The following KIRREL3 variants were observed in gnomAD, a reference collection of about 807,000 sequenced individuals.
The protein encoded by KIRREL3 is kin of IRRE-like protein 3.
A neutral mutation model predicts 89.7 loss-of-function variants in KIRREL3; 36 were observed. The ratio of observed to expected loss-of-function variants is 0.40; its 90% CI spans 0.31 to 0.53. The LOEUF is 0.53. Among genes scored for constraint, KIRREL3 ranks in the 20% least tolerant of loss-of-function variants. The probability of loss-of-function intolerance (pLI) is 0.49; values close to 1 mark genes in which losing one functional copy is unlikely to be tolerated. For missense variants in KIRREL3, 864 were observed against 1,056.6 expected, an observed-to-expected ratio of 0.82 and a Z score of 2.53; for synonymous variants, 445 against 441.4, an observed-to-expected ratio of 1.01 and a Z score of -0.10.
rs1325078908 is a variant in KIRREL3 at position 126,557,232 on chromosome 11, C to T, written c.133+5603G>A. 6.6e-6 allele frequency among the ~76,000 whole-genome samples: 1 copy of T among 152,174 alleles called. No homozygotes were observed. The highest frequency in any genetic ancestry group is 1.5e-5 in the Non-Finnish European group (1 of 68,038). On this transcript the variant is annotated intron_variant, in intron 2 of 16. Coordinates refer to ENST00000525144, the MANE Select transcript of KIRREL3 (RefSeq NM_032531.4). This position sits in a 1 kb window ranked among gnomAD's most constrained non-coding sequence, Gnocchi z 5.6. ...GCCTGCCCGACTCTTTCCCTGCCAC[C>T]CAGCATATAGCTGATATGGCCTGAG...
chr11:126,693,107 G>A (rs980160030), intron 1 of KIRREL3, among the ~76,000 whole-genome samples: 1 of 152,200 alleles, frequency 6.6e-6, no homozygotes, highest in Admixed American at 6.5e-5. Context: ...GCAGATAGAT[G>A]AGTGAGTGCA....
chr11:126,633,167 T>C (rs917007458), intron 1 of KIRREL3, among the ~76,000 whole-genome samples: 3 of 152,030 alleles, frequency 2.0e-5, no homozygotes, highest in Non-Finnish European at 4.4e-5. Context: ...TGTTTGGCCA[T>C]GCCGAGTCCC....
At chr11:126,504,166 A>G (rs1285638732) in intron 4 of KIRREL3, among the ~76,000 whole-genome samples, 1 of 152,098 alleles carries the variant, frequency 6.6e-6, no homozygotes, top group Non-Finnish European at 1.5e-5. Flanking sequence ...CCTTGGCATC[A>G]TCTGTGACCC....
At chr11:126,449,595 G>A (rs1021979102) in intron 7 of KIRREL3, among the ~76,000 whole-genome samples, 10 of 152,318 alleles carry the variant, frequency 6.6e-5, no homozygotes, top group African/African-American at 1.2e-4. Flanking sequence ...GGGTCAAACG[G>A]AGCATGCCCA....
rs1166428156 is a variant in KIRREL3, at chr11:126,544,880, A to G, written c.133+17955T>C. Among the ~76,000 whole-genome samples the G allele has an allele frequency of 2.0e-5, 3 of 152,142 alleles. No homozygotes were observed. Among genetic ancestry groups the G allele is most frequent in the African/African-American group, 7.2e-5 (3 of 41,414 alleles). ...TCTTTGTTTGGCCATGCACTGTCTA[A>G]ACTCCTCTAACCTATTTAGGCCACA... On this transcript the variant is annotated intron_variant, in intron 2 of 16. Transcript: ENST00000525144. The surrounding 1 kb of genome is among the most constrained non-coding windows in gnomAD (Gnocchi z 5.6).
Position 126,440,592 on chromosome 11 carries a change from G to A in KIRREL3, c.1253-43C>T, listed in dbSNP as rs1407538579. On this transcript the variant is annotated intron_variant, in intron 10 of 16. Transcript: ENST00000525144. The stretch of plus-strand genomic sequence containing the variant: ...CCCATTAGGCACCCGGGAAGGGCAC[G>A]TCCCTGCTGGCGCCCTCTTGGGTGG... The A allele has an allele frequency of 2.0e-6, 3 of 1,515,870 alleles. No individual in the cohort carries two copies. In the South Asian group the frequency reaches 3.6e-5, roughly 18 times the overall value. The allele number at this position is 1,515,870 out of a possible 1,614,324, so 93.9% of individuals were successfully genotyped here. A position where few individuals can be genotyped will look rare whatever the true frequency, so the allele number is the denominator to read the frequency against.
chr11:126,982,459 C>T (rs955330775), intron 1 of KIRREL3, among the ~76,000 whole-genome samples: 1 of 152,194 alleles, frequency 6.6e-6, no homozygotes, highest in African/African-American at 2.4e-5. Flanking sequence ...TCTTCTCAAA[C>T]CTGAGGGAGA....
Position 126,778,928 on chromosome 11 carries a change from A to AAC in KIRREL3, c.56-216018_56-216017dup, listed in dbSNP as rs1388083231. ...CTATGCAGTTGTTCACCTGTTTCTGAACACACACACAAGGTAATACATGTA... is the reference window on the plus strand; with the variant it reads ...CTATGCAGTTGTTCACCTGTTTCTGAACACACACACACAAGGTAATACATGTA... On this transcript the variant is annotated intron_variant, in intron 1 of 16. Coordinates refer to ENST00000525144, the MANE Select transcript of KIRREL3 (RefSeq NM_032531.4). The surrounding 1 kb of genome is among the most constrained non-coding windows in gnomAD (Gnocchi z 4.5). 1.3e-5 allele frequency among the ~76,000 whole-genome samples: 2 copies of AAC among 152,180 alleles called. No individual in the cohort carries two copies. The highest frequency in any genetic ancestry group is 1.3e-4 in the Admixed American group (2 of 15,276).
rs1310427633 is a variant in KIRREL3, at chr11:126,544,942, T to A, written c.133+17893A>T. Among the ~76,000 whole-genome samples, 1 of 152,156 alleles carries A rather than the reference T, an allele frequency of 6.6e-6. No individual in the cohort carries two copies. Among genetic ancestry groups the A allele is most frequent in the Non-Finnish European group, 1.5e-5 (1 of 68,018 alleles). Reference sequence around the variant, plus strand: ...AGACACAATAATGAAAAACTCAACGTGCAACATTGCCTTACGCAATCTAAT... The same window carrying A: ...AGACACAATAATGAAAAACTCAACGAGCAACATTGCCTTACGCAATCTAAT... On this transcript the variant is annotated intron_variant, in intron 2 of 16. Transcript: ENST00000525144. The surrounding 1 kb of genome is among the most constrained non-coding windows in gnomAD (Gnocchi z 5.6).
At chr11:126,728,365 A>C (rs558548729) in intron 1 of KIRREL3, among the ~76,000 whole-genome samples, 1 of 152,190 alleles carries the variant, frequency 6.6e-6, no homozygotes, top group African/African-American at 2.4e-5. Flanking sequence ...ACATGCCTCT[A>C]CTGTGCATGA....
At position 126,449,011 on chromosome 11, in the gene KIRREL3, T is replaced by G; in HGVS notation, c.995A>C (p.Tyr332Ser). 3 of 1,607,988 alleles carry G rather than the reference T, an allele frequency of 1.9e-6. No individual in the cohort carries two copies. Among genetic ancestry groups the G allele is most frequent in the Non-Finnish European group, 2.6e-6 (3 of 1,175,160 alleles). ...STNLSRTVDV[Y>S]FGPRMTTEPQ... ...GAAGCCTGCACCACTGCACTCACAG[T>G]AGACGTCAACCGTGCGGCTGAGGTT... Residue 332 changes from tyrosine to serine, a missense_variant and splice_region_variant, in exon 8 of 17, where the codon TAC (tyrosine) becomes TCC (serine). By Grantham distance (144) the Tyr-to-Ser change is moderately radical. Transcript: ENST00000525144.
At chr11:126,849,892 C>T (rs970170364) in intron 1 of KIRREL3, among the ~76,000 whole-genome samples, 14 of 151,904 alleles carry the variant, frequency 9.2e-5, no homozygotes, top group African/African-American at 2.2e-4. Context: ...TGACAGAATA[C>T]CAGCAGCCTG....
rs1488535474 is a variant in KIRREL3, at chr11:126,940,148, C to G, written c.55+60307G>C. Among the ~76,000 whole-genome samples, 1 of 152,174 alleles carries G rather than the reference C, an allele frequency of 6.6e-6. No individual in the cohort carries two copies. The highest frequency in any genetic ancestry group is 2.4e-5 in the African/African-American group (1 of 41,420). On this transcript the variant is annotated intron_variant, in intron 1 of 16. Coordinates refer to ENST00000525144, the MANE Select transcript of KIRREL3 (RefSeq NM_032531.4). The surrounding 1 kb of genome is among the most constrained non-coding windows in gnomAD (Gnocchi z 4.6). ...GAAGCAGTTTGGACCACAGGCAGGT[C>G]AGAATGCCCTAGCACTTCCACAAAC...
At position 126,684,175 on chromosome 11, in the gene KIRREL3, G is replaced by A. The variant is rs1322392875; in HGVS notation, c.56-121263C>T. Among the ~76,000 whole-genome samples, 1 of 152,236 alleles carries A rather than the reference G, an allele frequency of 6.6e-6. No individual in the cohort carries two copies. On this transcript the variant is annotated intron_variant, in intron 1 of 16. Transcript: ENST00000525144. This position sits in a 1 kb window ranked among gnomAD's most constrained non-coding sequence, Gnocchi z 4.2. The stretch of plus-strand genomic sequence containing the variant: ...CTCCCTGTGCAGGGCTGATGGGAAG[G>A]AGGTGTGTGCAATATGGTGGGAGGA...
intron 1 of KIRREL3, among the ~76,000 whole-genome samples, chr11:126,972,197 A>AGAGAGAGG (rs1565467620): frequency 6.6e-6 from 1 of 151,706 alleles, no homozygotes; most frequent in Non-Finnish European, 1.5e-5. Context: ...AGAGAGAGAG[A>AGAGAGAGG]GAGAGAGGAC....
intron 1 of KIRREL3, among the ~76,000 whole-genome samples, chr11:126,933,789 A>T (rs1392926134): frequency 6.6e-6 from 1 of 151,598 alleles, no homozygotes; most frequent in East Asian, 1.9e-4. Context: ...GAAAAAAAAA[A>T]ACCAAAAACA....
chr11:126,596,363 T>C (rs1456097034), intron 1 of KIRREL3, among the ~76,000 whole-genome samples: 1 of 152,234 alleles, frequency 6.6e-6, no homozygotes, highest in African/African-American at 2.4e-5. Context: ...TCACAAATTA[T>C]TAGCCCTATT....
In KIRREL3 at chr11:126,640,360, G is replaced by T. The variant is rs527862996; in HGVS notation, c.56-77448C>A. Reference sequence around the variant, plus strand: ...CACACACACAGACGCGCGTGTGCGCGCGCACACACACGCACACGCGCACAC... The same window carrying T: ...CACACACACAGACGCGCGTGTGCGCTCGCACACACACGCACACGCGCACAC... On this transcript the variant is annotated intron_variant, in intron 1 of 16. Transcript: ENST00000525144. This position sits in a 1 kb window ranked among gnomAD's most constrained non-coding sequence, Gnocchi z 4.9. Among the ~76,000 whole-genome samples, 193 of 152,038 alleles carry T rather than the reference G, an allele frequency of 1.3e-3. No individual in the cohort carries two copies. Among genetic ancestry groups the T allele is most frequent in the African/African-American group, 4.5e-3 (185 of 41,480 alleles).
chr11:126,715,199 A>G lies in KIRREL3; in HGVS notation c.56-152287T>C, dbSNP rs1947910522. On this transcript the variant is annotated intron_variant, in intron 1 of 16. Transcript: ENST00000525144. The surrounding 1 kb of genome is among the most constrained non-coding windows in gnomAD (Gnocchi z 4.4). Reference sequence around the variant, plus strand: ...TTCCTCTTTCAAGGGAACTGTGTAGAGGAAGAAATCAGTTGAGAAAAACAG... The same window carrying G: ...TTCCTCTTTCAAGGGAACTGTGTAGGGGAAGAAATCAGTTGAGAAAAACAG... Among the ~76,000 whole-genome samples, 1 of 152,222 alleles carries G rather than the reference A, an allele frequency of 6.6e-6. No homozygotes were observed. Among genetic ancestry groups the G allele is most frequent in the Non-Finnish European group, 1.5e-5 (1 of 68,040 alleles).
Sources: allele counts gnomAD v4.1 joint callset (sites outside exome capture counted in the v4.1 genomes callset), GRCh38; gene constraint gnomAD v4.1.1; non-coding constraint Gnocchi (gnomAD v3.1); transcripts MANE v1.5; gene names NCBI Gene and HGNC (gene_info 2026-07-23, HGNC 2026-07-21).